Variants in CTIF observed in about 807,000 individuals in gnomAD.
CTIF encodes CBP80/20-dependent translation initiation factor.
A neutral mutation model predicts 66.0 loss-of-function variants in CTIF; 21 were observed. The ratio of observed to expected loss-of-function variants is 0.32; its 90% CI spans 0.23 to 0.46. The LOEUF is 0.46. Among genes scored for constraint, CTIF ranks in the 20% least tolerant of loss-of-function variants. CTIF has a pLI of 1.00. For missense variants in CTIF, 739 were observed against 812.7 expected, an observed-to-expected ratio of 0.91 and a Z score of 1.10; for synonymous variants, 345 against 326.4, an observed-to-expected ratio of 1.06 and a Z score of -0.62.
At chr18:48,669,946 A>G (rs1178554008) in intron 5 of CTIF, among the ~76,000 whole-genome samples, 1 of 150,158 alleles carries the variant, frequency 6.7e-6, no homozygotes, top group Non-Finnish European at 1.5e-5. Flanking sequence ...TCCTCCAGCC[A>G]CCTTAAGATG....
At chr18:48,835,325 C>T (rs916939330) in intron 10 of CTIF, among the ~76,000 whole-genome samples, 2 of 152,198 alleles carry the variant, frequency 1.3e-5, no homozygotes, top group African/African-American at 4.8e-5. Flanking sequence ...CTCCAGACAA[C>T]ATGTGTGGCC....
At chr18:48,645,917 T>A (rs2091022843) in intron 3 of CTIF, among the ~76,000 whole-genome samples, 1 of 152,016 alleles carries the variant, frequency 6.6e-6, no homozygotes, top group South Asian at 2.1e-4. Context: ...CCTGCCAGAG[T>A]GGTACCATGA....
chr18:48,807,145 G>A (rs1472560270), intron 9 of CTIF, among the ~76,000 whole-genome samples: 5 of 152,148 alleles, frequency 3.3e-5, no homozygotes, highest in Non-Finnish European at 7.4e-5. Context: ...TGTGTCAAGA[G>A]GAGACACACA....
At chr18:48,594,060 GCCCCCCCTCCTATCTGCCCCCTT>G (rs1568057604) in intron 1 of CTIF, among the ~76,000 whole-genome samples, 3 of 151,362 alleles carry the variant, frequency 2.0e-5, no homozygotes, top group African/African-American at 7.3e-5. Context: ...ATGAACACAA[GCCCCCCCTCCTATCTGCCCCCTT>G]CCCCCACTCC....
intron 1 of CTIF, among the ~76,000 whole-genome samples, chr18:48,600,246 G>A (rs545766633): frequency 3.0e-4 from 46 of 152,214 alleles, no homozygotes; most frequent in Admixed American, 2.6e-4. Flanking sequence ...GAAGTAACAA[G>A]AGTGACTTGG....
chr18:48,664,265 G>A (rs571051303), intron 4 of CTIF, among the ~76,000 whole-genome samples, 182 bp from the exon 5 acceptor site: 4 of 152,298 alleles, frequency 2.6e-5, no homozygotes, highest in Middle Eastern at 3.4e-3. Context: ...ACTTTCCCAC[G>A]GCAGGGTGAG....
chr18:48,749,130 C>G (rs1208676985), intron 7 of CTIF, among the ~76,000 whole-genome samples: 2 of 152,216 alleles, frequency 1.3e-5, no homozygotes, highest in Non-Finnish European at 1.5e-5. Context: ...TTCCACCACA[C>G]CAAGGTGGTA....
chr18:48,757,863 AC>A, intron 7 of CTIF, 55 bp from the exon 8 acceptor site: 1 of 1,561,960 alleles, frequency 6.4e-7, no homozygotes, highest in South Asian at 1.2e-5. Flanking sequence ...GGGCACAGGG[AC>A]TCTGACCAGC....
At chr18:48,730,809 C>T (rs2092450360) in intron 7 of CTIF, among the ~76,000 whole-genome samples, 1 of 148,220 alleles carries the variant, frequency 6.7e-6, no homozygotes, top group African/African-American at 2.5e-5. Context: ...TGTGAGGGGC[C>T]TCTGGCAGTG....
chr18:48,654,318 T>A (rs1179374056), intron 3 of CTIF, among the ~76,000 whole-genome samples: 1 of 152,090 alleles, frequency 6.6e-6, no homozygotes, highest in African/African-American at 2.4e-5. Flanking sequence ...GCAAAGGATA[T>A]GAACAGACGC....
At chr18:48,775,324 A>C (rs1387569803) in intron 9 of CTIF, among the ~76,000 whole-genome samples, 2 of 152,266 alleles carry the variant, frequency 1.3e-5, no homozygotes, top group Non-Finnish European at 2.9e-5. Context: ...CTCCAGGAGA[A>C]ACTTGTGAAT....
chr18:48,657,769 G>T (rs1420831297), intron 3 of CTIF, among the ~76,000 whole-genome samples: 2 of 152,154 alleles, frequency 1.3e-5, no homozygotes, highest in Non-Finnish European at 2.9e-5. Flanking sequence ...ACATTCTTTT[G>T]TTTTCACTGA....
intron 3 of CTIF, among the ~76,000 whole-genome samples, chr18:48,637,705 A>G (rs778817275): frequency 1.3e-5 from 2 of 152,180 alleles, no homozygotes; most frequent in Middle Eastern, 3.4e-3. Context: ...TGGCTGCCCC[A>G]TGGTGTGGAG....
chr18:48,658,138 G>A (rs1027286871), intron 3 of CTIF, among the ~76,000 whole-genome samples: 12 of 152,108 alleles, frequency 7.9e-5, no homozygotes, highest in African/African-American at 2.9e-4. Flanking sequence ...GTATGTGTGT[G>A]TGGTACATGT....
Position 48,666,506 on chromosome 18 carries a change from C to T in CTIF, c.431+1955C>T, listed in dbSNP as rs146851356. Among the ~76,000 whole-genome samples, 62 of 152,324 alleles carry T rather than the reference C, an allele frequency of 4.1e-4. 1 individual carries two copies. The highest frequency in any genetic ancestry group is 7.5e-4 in the Non-Finnish European group (51 of 68,032). On this transcript the variant is annotated intron_variant, in intron 5 of 11. Transcript: ENST00000256413. The stretch of plus-strand genomic sequence containing the variant: ...TTCACCACATCAGGGTATTCTTAAC[C>T]TCCTTAAAATTTTCTGCAAATTTGT...
At position 48,761,425 on chromosome 18, in the gene CTIF, G is replaced by A; in HGVS notation, c.1107G>A (p.Gln369=). ...CCGTGGAGACGACCACTCCCCAGCAGAACAAGATGGACAAGCTGATCGAGA... is the reference window on the plus strand; with the variant it reads ...CCGTGGAGACGACCACTCCCCAGCAAAACAAGATGGACAAGCTGATCGAGA... ...EVAVETTTPQ[Q]NKMDKLIEIL... The change falls in exon 9 of 12, where the codon CAG becomes CAA. Residue 369 remains glutamine, a synonymous_variant. Transcript: ENST00000256413. This position sits in a 1 kb window ranked among gnomAD's most constrained non-coding sequence, Gnocchi z 4.2. 1 of 1,614,028 alleles carries A rather than the reference G, an allele frequency of 6.2e-7. No individual in the cohort carries two copies. The highest frequency in any genetic ancestry group is 1.3e-5 in the African/African-American group (1 of 75,050).
intron 7 of CTIF, among the ~76,000 whole-genome samples, chr18:48,752,545 G>A (rs936569160): frequency 6.6e-6 from 1 of 152,186 alleles, no homozygotes. Flanking sequence ...ACCCTAGAAG[G>A]ACAAAGCAAC....
Position 48,804,609 on chromosome 18 carries a change from A to G in CTIF, c.1372-12612A>G, listed in dbSNP as rs1482991086. Among the ~76,000 whole-genome samples the G allele has an allele frequency of 2.0e-5, 3 of 152,334 alleles. No individual in the cohort carries two copies. The East Asian group carries it at 5.8e-4, about 29-fold the overall frequency. ...TACCAGGTCTCTCTGCCGCTTATTC[A>G]GCACCTACTTTGCACCAGATACGTT... On this transcript the variant is annotated intron_variant, in intron 9 of 11. Coordinates refer to ENST00000256413, the MANE Select transcript of CTIF (RefSeq NM_014772.3).
At chr18:48,630,785 C>T (rs1043255567) in intron 2 of CTIF, among the ~76,000 whole-genome samples, 17 of 152,062 alleles carry the variant, frequency 1.1e-4, no homozygotes, top group Non-Finnish European at 2.1e-4. Flanking sequence ...ATGCCATTCT[C>T]CTGCCTCAGC....
Sources: allele counts gnomAD v4.1 joint callset (sites outside exome capture counted in the v4.1 genomes callset), GRCh38; gene constraint gnomAD v4.1.1; non-coding constraint Gnocchi (gnomAD v3.1); transcripts MANE v1.5; gene names NCBI Gene and HGNC (gene_info 2026-07-23, HGNC 2026-07-21).